Variants in FAM184A observed in about 807,000 individuals in gnomAD.
FAM184A encodes protein FAM184A.
Under a neutral mutation model 143.8 loss-of-function variants are expected in FAM184A, and 99 were observed. The observed-to-expected ratio is 0.69, with a 90% CI of 0.58 to 0.81. The LOEUF is 0.81. Among genes scored for constraint, FAM184A ranks in the 40% least tolerant of loss-of-function variants. The pLI is 0.00. For missense variants in FAM184A, 1,217 were observed against 1,310.5 expected (o/e 0.93, Z 1.10); for synonymous variants, 427 against 446.4 (o/e 0.96, Z 0.55).
intron 6 of FAM184A, among the ~76,000 whole-genome samples, chr6:119,007,917 C>G (rs894007505): frequency 1.4e-5 from 2 of 147,620 alleles, no homozygotes; most frequent in African/African-American, 5.0e-5. Context: ...TCCAGCCTGG[C>G]AACAGAGCAA....
At chr6:119,018,271 A>C (rs1177303382) in intron 4 of FAM184A, among the ~76,000 whole-genome samples, 6 of 152,238 alleles carry the variant, frequency 3.9e-5, no homozygotes, top group Non-Finnish European at 8.8e-5. Context: ...TTTTCAGAAG[A>C]GAAAGCATCT....
In FAM184A at chr6:119,014,877, G is replaced by T. The variant is rs1246723501; in HGVS notation, c.1530+1870C>A. ...AGTTCGAGACCAGCCTGGCCAACATGGTGAAACCCTGTCTGTACTAAAAAT... is the reference window on the plus strand; with the variant it reads ...AGTTCGAGACCAGCCTGGCCAACATTGTGAAACCCTGTCTGTACTAAAAAT... On this transcript the variant is annotated intron_variant, in intron 5 of 17. Coordinates refer to ENST00000338891, the MANE Select transcript of FAM184A (RefSeq NM_024581.6). Among the ~76,000 whole-genome samples the T allele has an allele frequency of 2.0e-5, 3 of 152,140 alleles. No individual in the cohort carries two copies. The East Asian group carries it at 5.8e-4, about 30-fold the overall frequency.
intron 1 of FAM184A, among the ~76,000 whole-genome samples, chr6:119,129,042 C>T (rs1037284037): frequency 5.3e-5 from 8 of 152,300 alleles, no homozygotes; most frequent in African/African-American, 1.7e-4. Flanking sequence ...ACTTTAAACT[C>T]TTCAGGCAAA....
intron 1 of FAM184A, among the ~76,000 whole-genome samples, chr6:119,093,905 A>G (rs1049661675): frequency 2.6e-5 from 4 of 152,076 alleles, no homozygotes; most frequent in Non-Finnish European, 4.4e-5. Context: ...CTCCTTTGCC[A>G]TTCTGCCACC....
chr6:119,076,585 T>A (rs1385967488), intron 1 of FAM184A, among the ~76,000 whole-genome samples: 1 of 152,230 alleles, frequency 6.6e-6, no homozygotes, highest in Non-Finnish European at 1.5e-5. Context: ...ACAGCATTTG[T>A]TAAACAGAAC....
intron 17 of FAM184A, among the ~76,000 whole-genome samples, chr6:118,961,374 AAAAT>A (rs1256855882): frequency 4.0e-5 from 6 of 151,002 alleles, no homozygotes; most frequent in South Asian, 4.2e-4. Flanking sequence ...GAAAGGGAAA[AAAAT>A]AAACATATAT....
At chr6:119,044,138 C>A (rs1411203223) in intron 1 of FAM184A, among the ~76,000 whole-genome samples, 1 of 152,108 alleles carries the variant, frequency 6.6e-6, no homozygotes, top group Admixed American at 6.5e-5. Flanking sequence ...CACACTTTTA[C>A]CACTATTAAC....
intron 1 of FAM184A, among the ~76,000 whole-genome samples, chr6:119,118,515 T>C (rs1487254319): frequency 6.6e-6 from 1 of 152,216 alleles, no homozygotes; most frequent in Non-Finnish European, 1.5e-5. Context: ...AGAACATGAA[T>C]TGTGAAGATT....
intron 1 of FAM184A, among the ~76,000 whole-genome samples, chr6:119,053,836 T>C (rs544704659): frequency 6.6e-6 from 1 of 152,216 alleles, no homozygotes; most frequent in Non-Finnish European, 1.5e-5. Context: ...AACAGAGTAG[T>C]ATTATCCCAA....
chr6:118,999,235 A>G (rs1784672525), intron 9 of FAM184A, among the ~76,000 whole-genome samples: 1 of 152,214 alleles, frequency 6.6e-6, no homozygotes, highest in African/African-American at 2.4e-5. Context: ...TCAAGAGTTC[A>G]GTTCCAAACA....
intron 1 of FAM184A, among the ~76,000 whole-genome samples, chr6:119,144,202 C>G (rs1020189493): frequency 5.3e-5 from 8 of 149,914 alleles, no homozygotes; most frequent in African/African-American, 1.5e-4. Context: ...GGTGTGGTGG[C>G]GGGCGCCTGT....
chr6:119,149,077 C>T lies in FAM184A; in HGVS notation c.-202+1G>A, dbSNP rs1382182030. Reference sequence around the variant, plus strand: ...ATTTAAGAAAGATGGAAATGTCTTACCTAAGCATGAGTGAAATGATTTCTT... The same window carrying T: ...ATTTAAGAAAGATGGAAATGTCTTATCTAAGCATGAGTGAAATGATTTCTT... On this transcript the variant is annotated splice_donor_variant, in intron 1 of 16. Transcript: ENST00000352896. LOFTEE classifies it low-confidence loss of function (5UTR_SPLICE). The T allele has an allele frequency of 1.3e-5, 2 of 152,158 alleles. No individual in the cohort carries two copies. Among genetic ancestry groups the T allele is most frequent in the African/African-American group, 4.8e-5 (2 of 41,434 alleles). The allele number at this position is 152,158 out of a possible 1,614,324, so 9.4% of individuals were successfully genotyped here.
At position 119,065,345 on chromosome 6, in the gene FAM184A, A is replaced by G. The variant is rs147258296; in HGVS notation, c.159+12796T>C. 6.6e-5 allele frequency among the ~76,000 whole-genome samples: 10 copies of G among 152,298 alleles called. No individual in the cohort carries two copies. In the East Asian group the frequency reaches 1.9e-3, roughly 29 times the overall value. ...AATTTCTAGCCCTAGTCAACTCTTT[A>G]CAGAGACTATCGCCCTGGCCAGCAG... On this transcript the variant is annotated intron_variant, in intron 1 of 17. Transcript: ENST00000338891.
At chr6:119,036,618 AGGATCTGTGCAATG>A (rs1786124170) in intron 1 of FAM184A, among the ~76,000 whole-genome samples, 3 of 152,078 alleles carry the variant, frequency 2.0e-5, no homozygotes, top group African/African-American at 7.2e-5. Context: ...GCTATGATTC[AGGATCTGTGCAATG>A]GGATCTGTGC....
intron 1 of FAM184A, among the ~76,000 whole-genome samples, chr6:119,131,662 T>A (rs617647): frequency 0.5 from 75,250 of 150,478 alleles, 20,776 homozygotes; most frequent in African/African-American, 0.75. Context: ...ATTTAAAAAA[T>A]TTTTTTTTTG....
chr6:119,068,166 C>T (rs1787535593), intron 1 of FAM184A, among the ~76,000 whole-genome samples: 1 of 151,244 alleles, frequency 6.6e-6, no homozygotes, highest in African/African-American at 2.4e-5. Flanking sequence ...CCTGCCTCAG[C>T]CTCCCGAGTA....
intron 16 of FAM184A, chr6:118,963,891 C>T (rs2114533970): frequency 6.6e-6 from 1 of 152,140 alleles, no homozygotes; most frequent in Admixed American, 6.6e-5. Flanking sequence ...TGAATACCTA[C>T]TATACCCAAA....
rs573917824 is a variant in FAM184A, at chr6:119,058,647, T to G, written c.159+19494A>C. Reference sequence around the variant, plus strand: ...TTCTCAGTTTCCGGAACACTTAGTCTCCAGGTGCTGCCATGCTATGAAAAG... The same window carrying G: ...TTCTCAGTTTCCGGAACACTTAGTCGCCAGGTGCTGCCATGCTATGAAAAG... On this transcript the variant is annotated intron_variant, in intron 1 of 17. Coordinates refer to ENST00000338891, the MANE Select transcript of FAM184A (RefSeq NM_024581.6). Among the ~76,000 whole-genome samples the G allele has an allele frequency of 3.3e-5, 5 of 152,316 alleles. No homozygotes were observed. In the South Asian group the frequency reaches 6.2e-4, roughly 19 times the overall value.
At chr6:118,970,205 T>C (rs1372181489) in intron 14 of FAM184A, among the ~76,000 whole-genome samples, 2 of 150,378 alleles carry the variant, frequency 1.3e-5, no homozygotes, top group African/African-American at 2.4e-5. Context: ...GGTTTTACCA[T>C]GTTGGTCAGG....
Sources: gnomAD v4.1 joint callset for allele counts (sites outside exome capture counted in the v4.1 genomes callset) on GRCh38, gnomAD v4.1.1 for gene constraint, MANE v1.5 for transcripts, NCBI Gene and HGNC (gene_info 2026-07-23, HGNC 2026-07-21) for gene names.